The following KCNH7 variants were observed in gnomAD, a reference collection of about 807,000 sequenced individuals.
KCNH7 encodes the protein voltage-gated inwardly rectifying potassium channel KCNH7.
A neutral mutation model predicts 120.8 loss-of-function variants in KCNH7; 49 were observed. The observed-to-expected ratio is 0.41, with a 90% CI of 0.32 to 0.51. KCNH7 has a LOEUF of 0.51. Among genes scored for constraint, KCNH7 ranks in the 20% least tolerant of loss-of-function variants. KCNH7 has a pLI of 0.38. For missense variants in KCNH7, 1,097 were observed against 1,446.6 expected (o/e 0.76, Z 3.92); for synonymous variants, 547 against 516.1 (o/e 1.06, Z -0.81).
chr2:162,638,944 A>C (rs947188853), intron 2 of KCNH7, among the ~76,000 whole-genome samples: 12 of 152,110 alleles, frequency 7.9e-5, no homozygotes, highest in African/African-American at 2.9e-4. Context: ...CAAACTTGGC[A>C]CTATTATCAT....
chr2:162,426,874 C>G (rs946822508), intron 8 of KCNH7, among the ~76,000 whole-genome samples: 1 of 151,980 alleles, frequency 6.6e-6, no homozygotes, highest in Non-Finnish European at 1.5e-5. Context: ...CTTGTAACCA[C>G]TCACTTCAGA....
At chr2:162,713,797 G>C (rs1687011038) in intron 2 of KCNH7, among the ~76,000 whole-genome samples, 1 of 152,128 alleles carries the variant, frequency 6.6e-6, no homozygotes. Context: ...CACCCAGGCT[G>C]GAATACAATA....
At chr2:162,393,863 A>G (rs1275893571) in intron 12 of KCNH7, among the ~76,000 whole-genome samples, 1 of 152,012 alleles carries the variant, frequency 6.6e-6, no homozygotes, top group East Asian at 1.9e-4. Flanking sequence ...TTCTCAGAAT[A>G]TTGAGTAGCT....
At chr2:162,748,582 A>G (rs1310697204) in intron 2 of KCNH7, among the ~76,000 whole-genome samples, 1 of 152,208 alleles carries the variant, frequency 6.6e-6, no homozygotes, top group African/African-American at 2.4e-5. Flanking sequence ...TATTGATTCA[A>G]CTGGCTAAAC....
chr2:162,676,720 G>T (rs144353758), intron 2 of KCNH7, among the ~76,000 whole-genome samples: 1 of 151,542 alleles, frequency 6.6e-6, no homozygotes, highest in African/African-American at 2.4e-5. Context: ...AGCTCCAATA[G>T]TTACTACAGT....
intron 2 of KCNH7, among the ~76,000 whole-genome samples, chr2:162,663,829 T>C (rs533251394): frequency 6.6e-6 from 1 of 152,316 alleles, no homozygotes; most frequent in South Asian, 2.1e-4. Flanking sequence ...GTAAATTGTT[T>C]TGAGTATCAA....
chr2:162,445,515 C>CA (rs1464202150), intron 7 of KCNH7, among the ~76,000 whole-genome samples: 2 of 152,058 alleles, frequency 1.3e-5, no homozygotes, highest in Non-Finnish European at 2.9e-5. Context: ...TCTTAGTTTC[C>CA]AACTTTATTA....
At chr2:162,723,728 G>C (rs943013995) in intron 2 of KCNH7, among the ~76,000 whole-genome samples, 2 of 152,108 alleles carry the variant, frequency 1.3e-5, no homozygotes, top group Admixed American at 6.5e-5. Context: ...CCAAATGTAA[G>C]AGGTAAAAGT....
chr2:162,799,865 G>A (rs1684279639), intron 2 of KCNH7, among the ~76,000 whole-genome samples: 1 of 151,616 alleles, frequency 6.6e-6, no homozygotes, highest in African/African-American at 2.4e-5. Flanking sequence ...TGTCTTTTCT[G>A]TATTTCTGTA....
At chr2:162,608,510 G>A (rs1682857252) in intron 2 of KCNH7, among the ~76,000 whole-genome samples, 1 of 152,104 alleles carries the variant, frequency 6.6e-6, no homozygotes, top group Non-Finnish European at 1.5e-5. Flanking sequence ...ATCACTTTGT[G>A]GAGTTATCAA....
At chr2:162,642,850 CA>C (rs1371130479) in intron 2 of KCNH7, among the ~76,000 whole-genome samples, 1 of 152,128 alleles carries the variant, frequency 6.6e-6, no homozygotes, top group African/African-American at 2.4e-5. Context: ...AGTAACCAGA[CA>C]AATGCTAAAG....
intron 2 of KCNH7, among the ~76,000 whole-genome samples, chr2:162,676,249 G>A (rs1338914821): frequency 6.6e-6 from 1 of 151,620 alleles, no homozygotes; most frequent in Middle Eastern, 3.4e-3. Context: ...TTACAGGAAA[G>A]CATGTTAGTA....
In KCNH7 at chr2:162,766,559, G is replaced by A. The variant is rs1017072263; in HGVS notation, c.307+69978C>T. 8.1e-4 allele frequency among the ~76,000 whole-genome samples: 124 copies of A among 152,218 alleles called. 1 individual carries two copies. The highest frequency in any genetic ancestry group is 2.4e-3 in the African/African-American group (101 of 41,568). ...ACAAAACAAAAAAAGCTTGATTAGT[G>A]GAGAACTGTTTGTTTGATTCCTATT... is the stretch of plus-strand genomic sequence containing the variant. On this transcript the variant is annotated intron_variant, in intron 2 of 15. Coordinates refer to ENST00000332142, the MANE Select transcript of KCNH7 (RefSeq NM_033272.4).
intron 5 of KCNH7, among the ~76,000 whole-genome samples, chr2:162,511,480 C>CAAAAAA (rs34204046): frequency 1.7e-4 from 16 of 95,970 alleles, no homozygotes; most frequent in Admixed American, 3.3e-4. Flanking sequence ...GTGGACAGGT[C>CAAAAAA]AAAAAAAAAA....
intron 2 of KCNH7, among the ~76,000 whole-genome samples, chr2:162,592,561 A>C (rs1422017645): frequency 6.6e-6 from 1 of 152,050 alleles, no homozygotes. Context: ...GTCAGGACTT[A>C]GGTGATCTGG....
intron 2 of KCNH7, among the ~76,000 whole-genome samples, chr2:162,609,663 A>G (rs1682894936): frequency 6.6e-6 from 1 of 152,192 alleles, no homozygotes; most frequent in Non-Finnish European, 1.5e-5. Context: ...AAGTTAAGGC[A>G]AACTTCTTAC....
chr2:162,372,156 T>C, intron 15 of KCNH7, 61 bp from the exon 16 acceptor site: 1 of 1,325,382 alleles, frequency 7.5e-7, no homozygotes, highest in Non-Finnish European at 1.0e-6. Context: ...TCATTGAAAA[T>C]TACACTAATA....
chr2:162,703,487 A>G (rs1686585842), intron 2 of KCNH7, among the ~76,000 whole-genome samples: 1 of 152,150 alleles, frequency 6.6e-6, no homozygotes, highest in South Asian at 2.1e-4. Flanking sequence ...CAGCAGAAAT[A>G]AAAAATGTTA....
chr2:162,570,827 C>T (rs1186784491), intron 2 of KCNH7, among the ~76,000 whole-genome samples: 2 of 151,978 alleles, frequency 1.3e-5, no homozygotes. Flanking sequence ...CAGAAAAGGC[C>T]TTTGACAAAA....
Sources: gnomAD v4.1 joint callset for allele counts (sites outside exome capture counted in the v4.1 genomes callset) on GRCh38, gnomAD v4.1.1 for gene constraint, MANE v1.5 for transcripts, NCBI Gene and HGNC (gene_info 2026-07-23, HGNC 2026-07-21) for gene names.